KCNIP3: variants seen among roughly 807,000 people sequenced by gnomAD.
KCNIP3 encodes calsenilin.
In KCNIP3, 28 loss-of-function variants were observed where a neutral mutation model predicts 35.0. That is an observed-to-expected ratio of 0.80 (90% confidence interval 0.59 to 1.10). The LOEUF (loss-of-function observed/expected upper bound fraction) is 1.10, where lower values mean the gene tolerates loss of function less well. Ranked by LOEUF, KCNIP3 falls within the 50% of genes least tolerant of loss-of-function variation. The pLI, the probability that KCNIP3 is intolerant of heterozygous loss-of-function variation, is 0.00. For missense variants in KCNIP3, 295 were observed against 338.4 expected, an observed-to-expected ratio of 0.87 and a Z score of 1.01; for synonymous variants, 134 against 133.8, an observed-to-expected ratio of 1.00 and a Z score of -0.01.
intron 1 of KCNIP3, among the ~76,000 whole-genome samples, chr2:95,305,854 G>A (rs980253004): frequency 6.6e-6 from 1 of 152,192 alleles, no homozygotes; most frequent in Non-Finnish European, 1.5e-5. Flanking sequence ...CCAGAATTCC[G>A]TGGTATGGAT....
chr2:95,299,855 G>C (rs1304843976), intron 1 of KCNIP3, among the ~76,000 whole-genome samples: 1 of 152,212 alleles, frequency 6.6e-6, no homozygotes, highest in Non-Finnish European at 1.5e-5. Context: ...GAAGGGCAGA[G>C]CTGAGAGCCA....
chr2:95,363,852 G>A (rs952216798), intron 2 of KCNIP3, among the ~76,000 whole-genome samples: 2 of 152,084 alleles, frequency 1.3e-5, no homozygotes, highest in Non-Finnish European at 2.9e-5. Context: ...GGTTATTACT[G>A]GTGTAGAGAA....
intron 2 of KCNIP3, among the ~76,000 whole-genome samples, chr2:95,364,240 A>C (rs1229435502): frequency 6.6e-6 from 1 of 152,110 alleles, no homozygotes; most frequent in African/African-American, 2.4e-5. Context: ...GTTTATTTTA[A>C]TTATAAATAG....
At chr2:95,362,102 CT>C (rs948975865) in intron 2 of KCNIP3, among the ~76,000 whole-genome samples, 19 of 147,496 alleles carry the variant, frequency 1.3e-4, no homozygotes, top group African/African-American at 3.2e-4. Context: ...CTCTCCTACC[CT>C]TTTTTTTTTC....
rs553811416 is a variant in KCNIP3 at position 95,375,862 on chromosome 2, T to C, written c.447+654T>C. Among the ~76,000 whole-genome samples the C allele has an allele frequency of 1.1e-4, 17 of 152,258 alleles. No homozygotes were observed. The East Asian group carries it at 2.1e-3, about 19-fold the overall frequency. The stretch of plus-strand genomic sequence containing the variant: ...CTGCAGGCGAAAAGCTGAAACCGCT[T>C]TGGGGAGGAAAACCTTTCTGAGAGC... On this transcript the variant is annotated intron_variant, in intron 5 of 8. Transcript: ENST00000295225.
intron 2 of KCNIP3, among the ~76,000 whole-genome samples, chr2:95,324,400 G>T (rs1288247363): frequency 6.6e-6 from 1 of 151,930 alleles, no homozygotes; most frequent in Non-Finnish European, 1.5e-5. Context: ...TGTAGTCACA[G>T]CTACTCCAGA....
At chr2:95,325,730 TACAC>T (rs983799181) in intron 2 of KCNIP3, among the ~76,000 whole-genome samples, 9 of 140,212 alleles carry the variant, frequency 6.4e-5, no homozygotes, top group African/African-American at 2.4e-4. Context: ...CTTATACACA[TACAC>T]ACTCATACAC....
chr2:95,375,326 T>A (rs1455541047), intron 5 of KCNIP3, 118 bp downstream of exon 5: 17 of 922,726 alleles, frequency 1.8e-5, no homozygotes, highest in Non-Finnish European at 2.7e-5. Context: ...GGGAAGGATC[T>A]TGTGAGTCAC....
intron 2 of KCNIP3, among the ~76,000 whole-genome samples, chr2:95,369,069 C>G (rs1396572209): frequency 6.6e-6 from 1 of 152,112 alleles, no homozygotes; most frequent in Non-Finnish European, 1.5e-5. Context: ...GGGAAACATT[C>G]TGTTTTTTAC....
chr2:95,325,827 ACACT>A (rs1678745477), intron 2 of KCNIP3, among the ~76,000 whole-genome samples: 2 of 120,914 alleles, frequency 1.7e-5, no homozygotes, highest in Non-Finnish European at 3.4e-5. Context: ...ACATACACAT[ACACT>A]CATACACACT....
intron 1 of KCNIP3, among the ~76,000 whole-genome samples, chr2:95,300,932 C>G (rs1678010629): frequency 6.6e-6 from 1 of 152,228 alleles, no homozygotes. Flanking sequence ...CTGGTCTTTT[C>G]TGGCCTCACC....
intron 2 of KCNIP3, among the ~76,000 whole-genome samples, chr2:95,374,036 C>T (rs985394729): frequency 2.0e-5 from 3 of 152,342 alleles, no homozygotes; most frequent in South Asian, 2.1e-4. Flanking sequence ...TCCCACTGTG[C>T]GGCTGACAGG....
chr2:95,307,084 C>T (rs1430414495), intron 1 of KCNIP3, among the ~76,000 whole-genome samples: 2 of 152,234 alleles, frequency 1.3e-5, no homozygotes, highest in Non-Finnish European at 2.9e-5. Context: ...CAGAACCCAC[C>T]CCCTGCCTCA....
In KCNIP3 at chr2:95,311,127, A is replaced by G. The variant is rs577912458; in HGVS notation, c.181+607A>G. On this transcript the variant is annotated intron_variant, in intron 2 of 8. Transcript: ENST00000295225. ...GGGTGATATTTGGTGTTTGCCGAGTATAACAGGGCTGAACAGACAATGGCA... is the reference window on the plus strand; with the variant it reads ...GGGTGATATTTGGTGTTTGCCGAGTGTAACAGGGCTGAACAGACAATGGCA... The G allele has an allele frequency of 1.8e-4, 29 of 161,116 alleles. 1 individual carries two copies. Among genetic ancestry groups the G allele is most frequent in the Admixed American group, 1.7e-3 (29 of 17,216 alleles). The allele number at this position is 161,116 out of a possible 1,614,324, so 10.0% of individuals were successfully genotyped here.
intron 2 of KCNIP3, chr2:95,310,780 G>T: frequency 2.0e-6 from 1 of 503,692 alleles, no homozygotes; most frequent in East Asian, 3.7e-5. Flanking sequence ...TTTCCAGTTG[G>T]CTAGGAAGAC....
chr2:95,330,059 G>A (rs545350486), intron 2 of KCNIP3, among the ~76,000 whole-genome samples: 56 of 152,288 alleles, frequency 3.7e-4, no homozygotes, highest in African/African-American at 1.3e-3. Context: ...CCTCACCTCC[G>A]GCCGCAGCCA....
At chr2:95,351,671 C>G (rs768899842) in intron 2 of KCNIP3, among the ~76,000 whole-genome samples, 2 of 152,190 alleles carry the variant, frequency 1.3e-5, no homozygotes, top group African/African-American at 4.8e-5. Context: ...AATTTACTGT[C>G]GTATAGCTCT....
chr2:95,365,238 T>C (rs1679890079), intron 2 of KCNIP3, among the ~76,000 whole-genome samples: 1 of 148,692 alleles, frequency 6.7e-6, no homozygotes, highest in South Asian at 2.2e-4. Flanking sequence ...CTCAGCTCAC[T>C]GCAGCCTCCG....
intron 2 of KCNIP3, among the ~76,000 whole-genome samples, chr2:95,365,334 G>A (rs1174359033): frequency 6.6e-6 from 1 of 151,936 alleles, no homozygotes; most frequent in East Asian, 1.9e-4. Context: ...GATAATTTTT[G>A]TATTTTTAGT....
Sources: gnomAD v4.1 joint callset for allele counts (sites outside exome capture counted in the v4.1 genomes callset) on GRCh38, gnomAD v4.1.1 for gene constraint, MANE v1.5 for transcripts, NCBI Gene and HGNC (gene_info 2026-07-23, HGNC 2026-07-21) for gene names.